Variants in FRMD4A observed in about 807,000 individuals in gnomAD.
FRMD4A encodes FERM domain containing 4A.
A neutral mutation model predicts 129.1 loss-of-function variants in FRMD4A; 29 were observed. That is an observed-to-expected ratio of 0.22 (90% CI 0.17 to 0.31). FRMD4A has a LOEUF of 0.31. FRMD4A is among the 10% of genes least tolerant of loss of function. The pLI is 1.00. For missense variants in FRMD4A, 1,272 were observed against 1,375.8 expected (o/e 0.92, Z 1.19); for synonymous variants, 634 against 571.6 (o/e 1.11, Z -1.56).
chr10:13,858,384 G>A (rs151034598), intron 3 of FRMD4A, among the ~76,000 whole-genome samples: 104 of 152,320 alleles, frequency 6.8e-4, no homozygotes, highest in African/African-American at 2.4e-3. Context: ...GCAGTGAGCT[G>A]AGATCGTGCC....
intron 2 of FRMD4A, among the ~76,000 whole-genome samples, chr10:14,197,115 A>G (rs1197234775): frequency 2.0e-5 from 3 of 152,180 alleles, no homozygotes; most frequent in African/African-American, 7.2e-5. Flanking sequence ...GGGCGCGACA[A>G]TAAGGCTGGG....
chr10:14,300,866 G>A (rs1036737268), intron 2 of FRMD4A, among the ~76,000 whole-genome samples: 5 of 152,126 alleles, frequency 3.3e-5, no homozygotes, highest in African/African-American at 4.8e-5. Context: ...GCTACTGGGA[G>A]GTGATTTCTA....
Position 14,196,227 on chromosome 10 carries a change from C to T in FRMD4A, c.45+133831G>A, listed in dbSNP as rs552195706. The stretch of plus-strand genomic sequence containing the variant: ...CAGTCATGGAAATATGGCAGGAATC[C>T]CATTACTAGAAGGCTGAGAGCTGAG... On this transcript the variant is annotated intron_variant, in intron 2 of 24. Coordinates refer to ENST00000357447, the MANE Select transcript of FRMD4A (RefSeq NM_018027.5). Among the ~76,000 whole-genome samples the T allele has an allele frequency of 8.5e-5, 13 of 152,076 alleles. No individual in the cohort carries two copies. The South Asian group carries it at 2.5e-3, about 29-fold the overall frequency.
chr10:14,317,712 GGA>G (rs66488281), intron 2 of FRMD4A, among the ~76,000 whole-genome samples: 83,165 of 146,076 alleles, frequency 0.57, 23,971 homozygotes, highest in African/African-American at 0.66. Context: ...GAAGAGGAGG[GGA>G]GAGGGAAGGA....
At chr10:13,792,471 C>T (rs375714827) in intron 5 of FRMD4A, among the ~76,000 whole-genome samples, 11 of 152,078 alleles carry the variant, frequency 7.2e-5, no homozygotes, top group African/African-American at 2.4e-4. Flanking sequence ...AGGACAGACA[C>T]AAGGATTGGA....
intron 2 of FRMD4A, among the ~76,000 whole-genome samples, chr10:14,153,434 T>C (rs1840440544): frequency 6.6e-6 from 1 of 152,160 alleles, no homozygotes; most frequent in South Asian, 2.1e-4. Flanking sequence ...TTTCATTCTT[T>C]TCTGACTACA....
intron 2 of FRMD4A, among the ~76,000 whole-genome samples, chr10:14,030,599 C>A (rs537788358): frequency 6.6e-6 from 1 of 152,312 alleles, no homozygotes; most frequent in Non-Finnish European, 1.5e-5. Context: ...GCCATATAGA[C>A]AACAAGCTGC....
intron 8 of FRMD4A, among the ~76,000 whole-genome samples, chr10:13,753,207 T>G (rs1174577334): frequency 3.9e-5 from 6 of 152,218 alleles, no homozygotes; most frequent in African/African-American, 1.4e-4. Context: ...TCCTCCTCCT[T>G]TTTTTGGTAA....
chr10:14,097,362 A>G (rs1194751015), intron 2 of FRMD4A, among the ~76,000 whole-genome samples: 1 of 152,134 alleles, frequency 6.6e-6, no homozygotes, highest in South Asian at 2.1e-4. Flanking sequence ...TAAGGAAGTA[A>G]GAAATAATAA....
chr10:14,128,035 C>CCCT (rs1564319840), intron 2 of FRMD4A, among the ~76,000 whole-genome samples: 6 of 121,018 alleles, frequency 5.0e-5, no homozygotes, highest in African/African-American at 2.0e-4. Context: ...TTCCTTCCTT[C>CCCT]CTTTCTTTCC....
chr10:13,667,767 A>G (rs2083177905), intron 17 of FRMD4A: 1 of 152,250 alleles, frequency 6.6e-6, no homozygotes, highest in Admixed American at 6.5e-5. Context: ...GATTTTGAGC[A>G]ACAGGGTCCT....
chr10:13,877,648 G>A (rs1319692127), intron 2 of FRMD4A, among the ~76,000 whole-genome samples: 2 of 152,238 alleles, frequency 1.3e-5, no homozygotes, highest in Admixed American at 6.5e-5. Context: ...CTGGGCTAGA[G>A]GCTACCGCCT....
At chr10:14,225,964 G>A (rs12220010) in intron 2 of FRMD4A, among the ~76,000 whole-genome samples, 8,907 of 152,186 alleles carry the variant, frequency 0.059, 350 homozygotes, top group South Asian at 0.17. Flanking sequence ...ATATTCTACT[G>A]ATAAGGAGCT....
In FRMD4A at chr10:13,668,619, A is replaced by G. The variant is rs572829850; in HGVS notation, c.1374+1787T>C. The stretch of plus-strand genomic sequence containing the variant: ...CATGTGTGGGGACAGGTAAGGAAGC[A>G]CATGGCTAGGGCATTCTCAGGGAGC... On this transcript the variant is annotated intron_variant, in intron 17 of 24. Transcript: ENST00000357447. 7.2e-5 allele frequency among the ~76,000 whole-genome samples: 11 copies of G among 152,338 alleles called. No individual in the cohort carries two copies. The South Asian group carries it at 2.3e-3, about 32-fold the overall frequency.
At chr10:13,728,219 T>A (rs984346959) in intron 12 of FRMD4A, among the ~76,000 whole-genome samples, 2 of 152,196 alleles carry the variant, frequency 1.3e-5, no homozygotes, top group African/African-American at 4.8e-5. Context: ...CATTTTTTTT[T>A]AAAGCAGTTC....
At chr10:13,671,447 CTGTT>C (rs1439588593) in intron 16 of FRMD4A, among the ~76,000 whole-genome samples, 1 of 152,020 alleles carries the variant, frequency 6.6e-6, no homozygotes, top group African/African-American at 2.4e-5. Flanking sequence ...GATCGAGACT[CTGTT>C]TATTAAGGAA....
rs774694283 is a variant in FRMD4A at position 13,651,882 on chromosome 10, ACAAAACTCCCCTTACGG to A, written c.*2+4_*2+20del. On this transcript the variant is annotated splice_donor_5th_base_variant and intron_variant, in intron 24 of 24. Transcript: ENST00000357447. ...GACCACAGACTCATGGGCAGTAGGA[ACAAAACTCCCCTTACGG>A]TACCTCTATTCATCAGTACTTTGGT... The A allele has an allele frequency of 1.5e-6, 2 of 1,323,978 alleles. No homozygotes were observed. Among genetic ancestry groups the A allele is most frequent in the East Asian group, 4.6e-5 (2 of 43,274 alleles). 82.0% of individuals were successfully genotyped at this position (1,323,978 alleles called of 1,614,324 possible).
intron 2 of FRMD4A, among the ~76,000 whole-genome samples, chr10:14,103,818 A>G (rs1837437033): frequency 6.6e-6 from 1 of 152,098 alleles, no homozygotes; most frequent in Admixed American, 6.6e-5. Context: ...CTCCCTCCCT[A>G]TCATCTATCT....
chr10:13,982,132 C>T (rs2095563873), intron 2 of FRMD4A, among the ~76,000 whole-genome samples: 1 of 152,016 alleles, frequency 6.6e-6, no homozygotes, highest in Non-Finnish European at 1.5e-5. Context: ...AGCCATAAAA[C>T]CTAAAAATGT....
Sources: gnomAD v4.1 joint callset for allele counts (sites outside exome capture counted in the v4.1 genomes callset) on GRCh38, gnomAD v4.1.1 for gene constraint, MANE v1.5 for transcripts, NCBI Gene and HGNC (gene_info 2026-07-23, HGNC 2026-07-21) for gene names.